Variants in DDAH1 observed in about 807,000 individuals in gnomAD.
The protein encoded by DDAH1 is dimethylarginine dimethylaminohydrolase 1, also known as N(G),N(G)-dimethylarginine dimethylaminohydrolase 1.
A neutral mutation model predicts 28.8 loss-of-function variants in DDAH1; 19 were observed. The observed-to-expected ratio is 0.66, with a 90% confidence interval of 0.46 to 0.97. The LOEUF is 0.97. Ranked by LOEUF, DDAH1 falls within the 50% of genes least tolerant of loss-of-function variation. The probability of loss-of-function intolerance (pLI) is 0.00; values close to 1 mark genes in which losing one functional copy is unlikely to be tolerated. For missense variants in DDAH1, 326 were observed against 375.9 expected (o/e 0.87, Z 1.10); for synonymous variants, 153 against 154.4 (o/e 0.99, Z 0.07).
chr1:85,575,367 A>G (rs1356925373), intron 1 of DDAH1, among the ~76,000 whole-genome samples: 1 of 152,224 alleles, frequency 6.6e-6, no homozygotes, highest in African/African-American at 2.4e-5. Flanking sequence ...AACTCCTACC[A>G]GGCCAAGCCT....
chr1:85,476,659 T>C (rs562866491), intron 2 of DDAH1, among the ~76,000 whole-genome samples: 35 of 152,308 alleles, frequency 2.3e-4, no homozygotes, highest in African/African-American at 8.4e-4. Context: ...TAGCATGGCA[T>C]GATTTCTGCT....
chr1:85,509,916 C>A (rs1324892139), intron 1 of DDAH1, among the ~76,000 whole-genome samples: 2 of 152,162 alleles, frequency 1.3e-5, no homozygotes, highest in African/African-American at 4.8e-5. Context: ...AAACACTCTT[C>A]AGGATATTAA....
intron 1 of DDAH1, among the ~76,000 whole-genome samples, chr1:85,572,483 T>A (rs1659489112): frequency 6.6e-6 from 1 of 152,190 alleles, no homozygotes; most frequent in African/African-American, 2.4e-5. Context: ...TTGCACCAAT[T>A]ACTGACATCT....
rs189476526 is a variant in DDAH1, at chr1:85,436,686, T to C, written c.303+28057A>G. 2.8e-3 allele frequency among the ~76,000 whole-genome samples: 423 copies of C among 152,216 alleles called. 1 individual carries two copies. The highest frequency in any genetic ancestry group is 0.01 in the South Asian group (50 of 4,812). On this transcript the variant is annotated intron_variant, in intron 1 of 5. Coordinates refer to ENST00000284031, the MANE Select transcript of DDAH1 (RefSeq NM_012137.4). ...TAACTAATCAATCAGATGAGTATTATGGTGGGGGTGAGAAGAGGTGTGAAG... is the reference window on the plus strand; with the variant it reads ...TAACTAATCAATCAGATGAGTATTACGGTGGGGGTGAGAAGAGGTGTGAAG...
intron 1 of DDAH1, among the ~76,000 whole-genome samples, chr1:85,570,362 T>C (rs866411190): frequency 0.013 from 839 of 62,870 alleles, 7 homozygotes; most frequent in African/African-American, 0.044. Context: ...GCACACACAC[T>C]GTCACACACA....
At chr1:85,344,686 A>G (rs1034975564) in intron 4 of DDAH1, among the ~76,000 whole-genome samples, 5 of 151,958 alleles carry the variant, frequency 3.3e-5, no homozygotes, top group African/African-American at 1.2e-4. Context: ...AAAAATCATT[A>G]CTGAGAATTA....
intron 1 of DDAH1, among the ~76,000 whole-genome samples, chr1:85,552,200 A>T (rs1167571473): frequency 2.0e-5 from 3 of 152,220 alleles, no homozygotes; most frequent in Non-Finnish European, 2.9e-5. Flanking sequence ...GAAGAGAAAG[A>T]AAGCCCTCTC....
At chr1:85,335,127 T>C (rs546712724) in intron 4 of DDAH1, among the ~76,000 whole-genome samples, 33 of 151,894 alleles carry the variant, frequency 2.2e-4, no homozygotes, top group Admixed American at 7.2e-4. Flanking sequence ...AACACACGAA[T>C]GAGGAAGAGA....
chr1:85,548,091 T>A (rs147580549), intron 1 of DDAH1, among the ~76,000 whole-genome samples: 27 of 152,240 alleles, frequency 1.8e-4, no homozygotes, highest in Non-Finnish European at 2.9e-4. Flanking sequence ...TTATATGCAA[T>A]ACCTTTTTTC....
chr1:85,576,063 AAAAT>A (rs773238392), intron 1 of DDAH1, among the ~76,000 whole-genome samples: 13 of 149,530 alleles, frequency 8.7e-5, no homozygotes, highest in Non-Finnish European at 1.5e-4. Context: ...AAGTATAATA[AAAAT>A]AAATAAATAA....
At chr1:85,429,116 A>T (rs596693) in intron 1 of DDAH1, among the ~76,000 whole-genome samples, 149,878 of 151,496 alleles carry the variant, frequency 0.99, 74,160 homozygotes, top group East Asian at 1. Context: ...GCTGCACCCA[A>T]CAACCCGTCA....
chr1:85,498,429 A>T (rs1656675553), intron 1 of DDAH1, among the ~76,000 whole-genome samples: 1 of 152,232 alleles, frequency 6.6e-6, no homozygotes, highest in African/African-American at 2.4e-5. Flanking sequence ...CTTATGTAGA[A>T]GTATGACAAT....
At chr1:85,454,909 T>A (rs1654819016) in intron 1 of DDAH1, among the ~76,000 whole-genome samples, 2 of 152,138 alleles carry the variant, frequency 1.3e-5, no homozygotes, top group Admixed American at 6.6e-5. Flanking sequence ...TTAATGATGT[T>A]TAGTTTGAGA....
intron 1 of DDAH1, among the ~76,000 whole-genome samples, chr1:85,380,832 T>C (rs1231739059): frequency 1.3e-5 from 2 of 152,212 alleles, no homozygotes; most frequent in Non-Finnish European, 2.9e-5. Flanking sequence ...CTTATGTGTG[T>C]GTGTTATGAA....
intron 4 of DDAH1, among the ~76,000 whole-genome samples, chr1:85,333,145 T>A (rs1008762621): frequency 1.3e-5 from 2 of 152,146 alleles, no homozygotes; most frequent in African/African-American, 4.8e-5. Context: ...TGGCGTCCTA[T>A]CCCCAGGAAA....
Position 85,517,352 on chromosome 1 carries a change from C to T in DDAH1, c.-122-21071G>A, listed in dbSNP as rs1228309724. 2.0e-5 allele frequency among the ~76,000 whole-genome samples: 3 copies of T among 147,174 alleles called. No individual in the cohort carries two copies. The East Asian group carries it at 5.9e-4, about 29-fold the overall frequency. On this transcript the variant is annotated intron_variant, in intron 1 of 6. Transcript: ENST00000426972. ...AACGTGCTAGGATCAAGCAGTTGAG[C>T]GCAAGGACAAAAAACAAGCCTAATA...
At chr1:85,536,571 A>G (rs913154422) in intron 1 of DDAH1, among the ~76,000 whole-genome samples, 2 of 152,048 alleles carry the variant, frequency 1.3e-5, no homozygotes, top group Non-Finnish European at 1.5e-5. Flanking sequence ...AAACAAAGCA[A>G]AACAAACAAA....
At chr1:85,574,139 C>T (rs887439134) in intron 1 of DDAH1, among the ~76,000 whole-genome samples, 3 of 152,206 alleles carry the variant, frequency 2.0e-5, no homozygotes, top group Non-Finnish European at 2.9e-5. Context: ...ACATTTTCAC[C>T]TAGTAACCAT....
intron 4 of DDAH1, among the ~76,000 whole-genome samples, chr1:85,331,938 T>C (rs1434840565): frequency 6.6e-6 from 1 of 152,218 alleles, no homozygotes. Flanking sequence ...TGGAATCAGC[T>C]GGGAGCCCAG....
Sources: gnomAD v4.1 joint callset for allele counts (sites outside exome capture counted in the v4.1 genomes callset) on GRCh38, gnomAD v4.1.1 for gene constraint, MANE v1.5 for transcripts, NCBI Gene and HGNC (gene_info 2026-07-23, HGNC 2026-07-21) for gene names.